HIVEP3: variants seen among roughly 807,000 people sequenced by gnomAD.
The protein encoded by HIVEP3 is HIVEP zinc finger 3.
HIVEP3 carries 49 observed loss-of-function variants against 152.8 expected under a neutral mutation model. The observed-to-expected ratio is 0.32, with a 90% CI of 0.26 to 0.41. The LOEUF (loss-of-function observed/expected upper bound fraction) is 0.41, where lower values mean the gene tolerates loss of function less well. Ranked by LOEUF, HIVEP3 falls within the 10% of genes least tolerant of loss-of-function variation. The probability of loss-of-function intolerance (pLI) is 1.00; values close to 1 mark genes in which losing one functional copy is unlikely to be tolerated. For synonymous variants in HIVEP3, 1,269 were observed against 1,289.0 expected (o/e 0.98, Z 0.33); for missense variants, 2,790 against 3,103.3 (o/e 0.90, Z 2.40).
At chr1:41,588,625 C>T (rs1390496355) in intron 3 of HIVEP3, among the ~76,000 whole-genome samples, 3 of 152,084 alleles carry the variant, frequency 2.0e-5, no homozygotes, top group African/African-American at 7.2e-5. Flanking sequence ...CCAGCCTGCA[C>T]CTGTGGGCTG....
chr1:41,590,566 CAG>C (rs1434738932), intron 3 of HIVEP3, among the ~76,000 whole-genome samples: 3 of 152,234 alleles, frequency 2.0e-5, no homozygotes, highest in Admixed American at 2.0e-4. Flanking sequence ...GACAAGAAGA[CAG>C]TGTGAAGCAA....
intron 1 of HIVEP3, among the ~76,000 whole-genome samples, chr1:41,826,905 C>T (rs765705014): frequency 6.6e-6 from 1 of 152,202 alleles, no homozygotes; most frequent in Non-Finnish European, 1.5e-5. Context: ...CTCACTCATT[C>T]TTCAAAGGAG....
chr1:41,890,092 T>A (rs1644423639), intron 1 of HIVEP3, among the ~76,000 whole-genome samples: 1 of 152,210 alleles, frequency 6.6e-6, no homozygotes, highest in African/African-American at 2.4e-5. Context: ...TGTGATTCAA[T>A]TACCCTGTGC....
At chr1:41,745,808 G>A (rs11210519) in intron 1 of HIVEP3, among the ~76,000 whole-genome samples, 11,548 of 152,198 alleles carry the variant, frequency 0.076, 1,512 homozygotes, top group African/African-American at 0.26. Flanking sequence ...TCTTTCCACC[G>A]GAGGGAATAT....
chr1:41,891,657 T>G lies in HIVEP3; in HGVS notation c.-801+26756A>C, dbSNP rs1028771992. On this transcript the variant is annotated intron_variant, in intron 1 of 8. Transcript: ENST00000372583. ...TCCCTCCAGGTAAGAAAGGAACCCC[T>G]GCTCACGGCACTCCCCAGAAGTCCT... Among the ~76,000 whole-genome samples, 21 of 152,312 alleles carry G rather than the reference T, an allele frequency of 1.4e-4. 1 individual carries two copies. Among genetic ancestry groups the G allele is most frequent in the Middle Eastern group, 6.8e-3 (2 of 294 alleles).
At chr1:41,915,150 C>A (rs1644852634) in intron 1 of HIVEP3, among the ~76,000 whole-genome samples, 1 of 151,004 alleles carries the variant, frequency 6.6e-6, no homozygotes, top group Non-Finnish European at 1.5e-5. Flanking sequence ...AAAAAAAAAT[C>A]TTTTGGGGAT....
intron 1 of HIVEP3, among the ~76,000 whole-genome samples, chr1:41,761,189 C>T (rs1570478026): frequency 1.3e-5 from 2 of 152,322 alleles, no homozygotes; most frequent in Non-Finnish European, 2.9e-5. Flanking sequence ...TATGTGTATG[C>T]ACCTATGTGA....
chr1:41,974,186 T>C (rs1475931110), intron 1 of HIVEP3, among the ~76,000 whole-genome samples: 2 of 152,052 alleles, frequency 1.3e-5, no homozygotes, highest in African/African-American at 4.8e-5. Flanking sequence ...GCAATGTCTA[T>C]TTTTGTGTAA....
At chr1:41,598,310 C>T (rs1411249564) in intron 3 of HIVEP3, among the ~76,000 whole-genome samples, 7 of 152,336 alleles carry the variant, frequency 4.6e-5, no homozygotes, top group Admixed American at 3.9e-4. Context: ...TTTCTATACA[C>T]GTGACTGTGG....
At chr1:41,794,403 A>T (rs1376984818) in intron 1 of HIVEP3, among the ~76,000 whole-genome samples, 1 of 152,250 alleles carries the variant, frequency 6.6e-6, no homozygotes, top group Non-Finnish European at 1.5e-5. Context: ...GCCAAACCAT[A>T]GTAGATCCTT....
intron 1 of HIVEP3, among the ~76,000 whole-genome samples, chr1:42,020,344 T>C (rs1002966488): frequency 6.6e-6 from 1 of 152,160 alleles, no homozygotes; most frequent in Non-Finnish European, 1.5e-5. Flanking sequence ...TTTGTTTGTC[T>C]GCTGTTTGAT....
intron 1 of HIVEP3, among the ~76,000 whole-genome samples, chr1:41,977,772 G>A (rs1317229697): frequency 6.6e-6 from 1 of 152,204 alleles, no homozygotes; most frequent in African/African-American, 2.4e-5. Context: ...GCACAATAGT[G>A]AGACTGGCCT....
chr1:41,514,556 C>T (rs1180418593), intron 7 of HIVEP3, among the ~76,000 whole-genome samples: 2 of 152,184 alleles, frequency 1.3e-5, no homozygotes, highest in East Asian at 3.9e-4. Context: ...CAGAGCAGGT[C>T]CCCATCCCAG....
chr1:41,725,572 G>T (rs1423417981), intron 1 of HIVEP3, among the ~76,000 whole-genome samples: 1 of 152,178 alleles, frequency 6.6e-6, no homozygotes, highest in East Asian at 1.9e-4. Flanking sequence ...GCAGAAGCTG[G>T]GATGAAAGGC....
At chr1:41,811,135 A>G (rs1650933965) in intron 1 of HIVEP3, among the ~76,000 whole-genome samples, 1 of 149,384 alleles carries the variant, frequency 6.7e-6, no homozygotes, top group Non-Finnish European at 1.5e-5. Context: ...GGTTTGTGTC[A>G]CCTGGGTCCT....
intron 1 of HIVEP3, among the ~76,000 whole-genome samples, chr1:41,818,321 G>A (rs965035588): frequency 6.6e-6 from 1 of 152,094 alleles, no homozygotes; most frequent in Non-Finnish European, 1.5e-5. Context: ...GGTGAGCAGG[G>A]TGCAAAGATT....
chr1:41,579,789 G>A lies in HIVEP3; in HGVS notation c.5009C>T (p.Pro1670Leu), dbSNP rs762215497. The A allele has an allele frequency of 7.5e-6, 12 of 1,605,004 alleles. No individual in the cohort carries two copies. Among genetic ancestry groups the A allele is most frequent in the Middle Eastern group, 1.7e-4 (1 of 5,816 alleles). ...ETYTMATAPH[P>L]EAGRLVPSSS... ...GGATGGCACAAGCCTTCCTGCCTCA[G>A]GATGCGGAGCTGTGGCCATGGTGTA... Residue 1670 changes from proline (P) to leucine (L), a missense_variant, in exon 4 of 9, where the codon CCT becomes CTT. Transcript: ENST00000372583.
intron 2 of HIVEP3, among the ~76,000 whole-genome samples, chr1:41,645,035 G>A (rs1645438325): frequency 6.6e-6 from 1 of 152,112 alleles, no homozygotes; most frequent in South Asian, 2.1e-4. Context: ...CTAATTCCTA[G>A]AAGCCAGGCT....
rs188296749 is a variant in HIVEP3, at chr1:41,508,894, T to G, written c.*1557A>C. The G allele has an allele frequency of 5.3e-5, 8 of 152,366 alleles. No homozygotes were observed. In the East Asian group the frequency reaches 1.5e-3, roughly 29 times the overall value. 9.4% of individuals were successfully genotyped at this position (152,366 alleles called of 1,614,324 possible). The stretch of plus-strand genomic sequence containing the variant: ...CGGGCCTCAACCGTAGTCCCTGTGC[T>G]GCCCTCCCTTGTAGAAAGTAAAGAA... On this transcript the variant is annotated 3_prime_UTR_variant, in exon 9 of 9. Transcript: ENST00000372583.
Sources: gnomAD v4.1 joint callset for allele counts (sites outside exome capture counted in the v4.1 genomes callset) on GRCh38, gnomAD v4.1.1 for gene constraint, MANE v1.5 for transcripts, NCBI Gene and HGNC (gene_info 2026-07-23, HGNC 2026-07-21) for gene names.